The following TRPV4 variants were observed in gnomAD, a reference collection of about 807,000 sequenced individuals.
The protein encoded by TRPV4 is OSM9-like transient receptor potential channel 4.
In TRPV4, 58 loss-of-function variants were observed where a neutral mutation model predicts 84.1. That is an observed-to-expected ratio of 0.69 (90% CI 0.56 to 0.86). The LOEUF is 0.86. TRPV4 is among the 40% of genes least tolerant of loss of function. The pLI, the probability that TRPV4 is intolerant of heterozygous loss-of-function variation, is 0.00. For synonymous variants in TRPV4, 489 were observed against 500.9 expected, an observed-to-expected ratio of 0.98 and a Z score of 0.32; for missense variants, 879 against 1,181.1, an observed-to-expected ratio of 0.74 and a Z score of 3.75.
In TRPV4 at chr12:109,800,772, A is replaced by T. The variant is rs1415463015; in HGVS notation, c.713-14T>A. On this transcript the variant is annotated splice_polypyrimidine_tract_variant and intron_variant, in intron 4 of 15. Coordinates refer to ENST00000261740, the MANE Select transcript of TRPV4 (RefSeq NM_021625.5). ...GGGCTGTCTGACCTGGGGGCAGGGG[A>T]CGGTCATCCAGGGTCCTGGCGGAGC... 1 of 1,540,662 alleles carries T rather than the reference A, an allele frequency of 6.5e-7. No homozygotes were observed. Among genetic ancestry groups the T allele is most frequent in the South Asian group, 1.1e-5 (1 of 90,306 alleles).
Position 109,793,795 on chromosome 12 carries a change from T to C in TRPV4, c.1584+135A>G. The stretch of plus-strand genomic sequence containing the variant: ...GGGATTGGAGGAGGTAGAAGAGAAA[T>C]GGGAAAATAAAAGGAGGAAGGAAAG... On this transcript the variant is annotated intron_variant, in intron 9 of 15. Coordinates refer to ENST00000261740, the MANE Select transcript of TRPV4 (RefSeq NM_021625.5). This position sits in a 1 kb window ranked among gnomAD's most constrained non-coding sequence, Gnocchi z 4.0. The C allele has an allele frequency of 5.9e-6, 5 of 842,950 alleles. No individual in the cohort carries two copies. Among genetic ancestry groups the C allele is most frequent in the Non-Finnish European group, 9.8e-6 (5 of 510,718 alleles). 52.2% of individuals were successfully genotyped at this position (842,950 alleles called of 1,614,324 possible). A position where few individuals can be genotyped will look rare whatever the true frequency, so the allele number is the denominator to read the frequency against.
At chr12:109,822,239 T>G in intron 1 of TRPV4, among the ~76,000 whole-genome samples, 1 of 151,578 alleles carries the variant, frequency 6.6e-6, no homozygotes, top group Non-Finnish European at 1.5e-5. Flanking sequence ...AATCCATGGG[T>G]AGGAAGGAGC....
rs958608401 is a variant in TRPV4, at chr12:109,801,052, G to A, written c.713-294C>T. Among the ~76,000 whole-genome samples, 4 of 152,348 alleles carry A rather than the reference G, an allele frequency of 2.6e-5. No individual in the cohort carries two copies. In the East Asian group the frequency reaches 5.8e-4, roughly 22 times the overall value. On this transcript the variant is annotated intron_variant, in intron 4 of 15. Coordinates refer to ENST00000261740, the MANE Select transcript of TRPV4 (RefSeq NM_021625.5). ...TAGAGGAGGCCAGGCGCAGGCTCAC[G>A]CCTGTAATCCCAGCAATTTGGGAGA...
chr12:109,784,840 C>CA (rs11443576), intron 14 of TRPV4, among the ~76,000 whole-genome samples: 58,862 of 83,652 alleles, frequency 0.7, 20,512 homozygotes, highest in East Asian at 0.95. Context: ...GACTCCATCT[C>CA]AAAAAAAAAA....
chr12:109,807,547 T>C (rs1891226815), intron 3 of TRPV4, among the ~76,000 whole-genome samples: 1 of 151,948 alleles, frequency 6.6e-6, no homozygotes, highest in African/African-American at 2.4e-5. Flanking sequence ...TGCCCAGCCT[T>C]GGTGTCACAC....
chr12:109,803,242 C>T, intron 3 of TRPV4, 99 bp from the exon 4 acceptor site: 1 of 1,421,462 alleles, frequency 7.0e-7, no homozygotes. Flanking sequence ...GTCAGATGTC[C>T]TGGCTGTCAA....
At chr12:109,829,579 A>G (rs1892355401) in intron 1 of TRPV4, among the ~76,000 whole-genome samples, 2 of 152,240 alleles carry the variant, frequency 1.3e-5, no homozygotes, top group Admixed American at 1.3e-4. Context: ...AAGCTGGAAG[A>G]AAACATGCCC....
In TRPV4 at chr12:109,814,430, AC is replaced by A; in HGVS notation, c.366del (p.Arg122SerfsTer7). ...ACTCACTCTATGATCTTCTTCCTCC[AC>A]CTCTTGTTGTCACTGGAGTGGTGAC... ...TYRHHSSDNK[R>X]WRKKIIEKQP... On this transcript the variant is annotated frameshift_variant, in exon 2 of 16. Transcript: ENST00000261740. LOFTEE classifies it high-confidence loss of function. The surrounding 1 kb of genome is among the most constrained non-coding windows in gnomAD (Gnocchi z 5.4). 1.9e-6 allele frequency: 3 copies of A among 1,614,072 alleles called. No homozygotes were observed. The highest frequency in any genetic ancestry group is 2.5e-6 in the Non-Finnish European group (3 of 1,179,990).
chr12:109,810,536 C>T (rs1281140107), intron 2 of TRPV4, among the ~76,000 whole-genome samples: 1 of 152,194 alleles, frequency 6.6e-6, no homozygotes, highest in Non-Finnish European at 1.5e-5. Flanking sequence ...CACTCTCCTC[C>T]CTTCCTCTTC....
At chr12:109,784,534 CAT>C in intron 14 of TRPV4, 97 bp from the exon 15 acceptor site, 1 of 1,584,722 alleles carries the variant, frequency 6.3e-7, no homozygotes, top group Non-Finnish European at 8.6e-7. Context: ...ATTATGGTAA[CAT>C]ATACATAACA....
rs79157363 is a variant in TRPV4, at chr12:109,783,135, A to G, written c.*486T>C. On this transcript the variant is annotated 3_prime_UTR_variant, in exon 16 of 16. Transcript: ENST00000261740. This position sits in a 1 kb window ranked among gnomAD's most constrained non-coding sequence, Gnocchi z 4.6. ...TATTGAGCACCGGCAAATCCCAGAC[A>G]CTACAGAACACACAGAAGGCATGGC... 153 of 157,876 alleles carry G rather than the reference A, an allele frequency of 9.7e-4. No homozygotes were observed. The highest frequency in any genetic ancestry group is 3.3e-3 in the Middle Eastern group (1 of 304). 9.8% of individuals were successfully genotyped at this position (157,876 alleles called of 1,614,324 possible).
intron 1 of TRPV4, among the ~76,000 whole-genome samples, chr12:109,827,022 G>GATGA (rs368514736): frequency 1.4e-3 from 207 of 152,254 alleles, no homozygotes; most frequent in African/African-American, 3.2e-3. Context: ...GTATTTGCTG[G>GATGA]ATGAATGAAT....
At chr12:109,785,998 G>A (rs916576043) in intron 14 of TRPV4, among the ~76,000 whole-genome samples, 1 of 152,092 alleles carries the variant, frequency 6.6e-6, no homozygotes, top group Non-Finnish European at 1.5e-5. Flanking sequence ...GAGCAACCCT[G>A]CCTCTAAAAA....
Position 109,803,024 on chromosome 12 carries a change from T to C in TRPV4, c.679A>G (p.Ile227Val). Residue 227 changes from isoleucine to valine, a missense_variant, in exon 4 of 16, where the codon ATT becomes GTT. Physicochemically the swap from Ile to Val is conservative, Grantham distance 29. This residue lies in a region of TRPV4 where 521 missense variants were observed against 686.6 expected (regional missense o/e 0.76). Transcript: ENST00000261740. Reference protein sequence around the residue: ...AERTGNMREFINSPFRDIYYR... With the variant: ...AERTGNMREFVNSPFRDIYYR... ...TAGATGTCACGGAAGGGCGAGTTAA[T>C]GAACTCCCTCATGTTGCCGGTGCGC... 2 of 1,614,150 alleles carry C rather than the reference T, an allele frequency of 1.2e-6. No homozygotes were observed. The highest frequency in any genetic ancestry group is 1.7e-6 in the Non-Finnish European group (2 of 1,180,042).
chr12:109,802,991 C>A lies in TRPV4; in HGVS notation c.712G>T (p.Gly238Cys). 2 of 1,613,920 alleles carry A rather than the reference C, an allele frequency of 1.2e-6. No homozygotes were observed. Among genetic ancestry groups the A allele is most frequent in the Non-Finnish European group, 1.7e-6 (2 of 1,180,012 alleles). The change falls in exon 4 of 16, where the codon GGT becomes TGT. Residue 238 changes from glycine to cysteine, a missense_variant and splice_region_variant. By Grantham distance (159) the Gly-to-Cys change is radical (BLOSUM62 -3). Transcript: ENST00000261740. ...ACCCCTGCCCAGCCCGGGGCCCCAC[C>A]TCGATAGTAGATGTCACGGAAGGGC... ...NSPFRDIYYR[G>C]QTALHIAIER...
chr12:109,805,140 A>G (rs1891040243), intron 3 of TRPV4, among the ~76,000 whole-genome samples: 1 of 152,242 alleles, frequency 6.6e-6, no homozygotes, highest in African/African-American at 2.4e-5. Context: ...GGTCCTGTCC[A>G]GGAGCCTGTG....
rs1890183003 is a variant in TRPV4, at chr12:109,793,644, G to A, written c.1585-44C>T. Reference sequence around the variant, plus strand: ...CACGTGAAAGGGGTGGGGCCAGCAGGAGAGGAGAGGAGGAGAGAGGAGACA... The same window carrying A: ...CACGTGAAAGGGGTGGGGCCAGCAGAAGAGGAGAGGAGGAGAGAGGAGACA... On this transcript the variant is annotated intron_variant, in intron 9 of 15. Transcript: ENST00000261740. This position sits in a 1 kb window ranked among gnomAD's most constrained non-coding sequence, Gnocchi z 4.0. 3.4e-6 allele frequency: 5 copies of A among 1,483,354 alleles called. No homozygotes were observed. Among genetic ancestry groups the A allele is most frequent in the African/African-American group, 1.4e-5 (1 of 72,272 alleles). 91.9% of individuals were successfully genotyped at this position (1,483,354 alleles called of 1,614,324 possible). A position where few individuals can be genotyped will look rare whatever the true frequency, so the allele number is the denominator to read the frequency against.
chr12:109,797,977 C>T (rs1313879939), intron 6 of TRPV4, among the ~76,000 whole-genome samples: 3 of 152,184 alleles, frequency 2.0e-5, no homozygotes, highest in East Asian at 1.9e-4. Context: ...GAAGTGGTAG[C>T]GCCAGGGCTT....
In TRPV4 at chr12:109,814,360, T is replaced by C; in HGVS notation, c.386+51A>G. Reference sequence around the variant, plus strand: ...GATAGAGGGGTGGATGATGAATGGGTGAATGGATACAGAGGAGGAGACCAC... The same window carrying C: ...GATAGAGGGGTGGATGATGAATGGGCGAATGGATACAGAGGAGGAGACCAC... On this transcript the variant is annotated intron_variant, in intron 2 of 15. Transcript: ENST00000261740. The surrounding 1 kb of genome is among the most constrained non-coding windows in gnomAD (Gnocchi z 5.4). The C allele has an allele frequency of 6.3e-7, 1 of 1,594,938 alleles. No individual in the cohort carries two copies. The highest frequency in any genetic ancestry group is 1.7e-5 in the Admixed American group (1 of 57,770).
Sources: allele counts gnomAD v4.1 joint callset (sites outside exome capture counted in the v4.1 genomes callset), GRCh38; gene constraint gnomAD v4.1.1; regional missense constraint gnomAD v4.1.1; non-coding constraint Gnocchi (gnomAD v3.1); transcripts MANE v1.5; gene names NCBI Gene and HGNC (gene_info 2026-07-23, HGNC 2026-07-21).